NEO1: variants seen among roughly 807,000 people sequenced by gnomAD.
NEO1 encodes the protein neogenin.
NEO1 carries 63 observed loss-of-function variants against 159.7 expected under a neutral mutation model. The ratio of observed to expected loss-of-function variants is 0.39; its 90% confidence interval spans 0.32 to 0.49. The LOEUF (loss-of-function observed/expected upper bound fraction) is 0.49, where lower values mean the gene tolerates loss of function less well. Ranked by LOEUF, NEO1 falls within the 20% of genes least tolerant of loss-of-function variation. The pLI is 0.85. For synonymous variants in NEO1, 633 were observed against 662.0 expected (o/e 0.96, Z 0.67); for missense variants, 1,615 against 1,831.0 (o/e 0.88, Z 2.15).
intron 22 of NEO1, 86 bp downstream of exon 22, chr15:73,278,285 G>T (rs1244789755): frequency 8.4e-7 from 1 of 1,193,856 alleles, no homozygotes; most frequent in Non-Finnish European, 1.2e-6. Context: ...TATAGCTTGT[G>T]TGTGGTGGGT....
At chr15:73,267,873 C>T (rs1225880224) in intron 16 of NEO1, among the ~76,000 whole-genome samples, 5 of 152,170 alleles carry the variant, frequency 3.3e-5, no homozygotes, top group Admixed American at 6.5e-5. Flanking sequence ...AATTTATTTT[C>T]GGAAATGTTC....
intron 1 of NEO1, among the ~76,000 whole-genome samples, chr15:73,064,442 C>T (rs960269117): frequency 4.6e-5 from 7 of 152,102 alleles, no homozygotes; most frequent in Non-Finnish European, 8.8e-5. Flanking sequence ...GATATGACTT[C>T]TCTGTACTTT....
intron 21 of NEO1, among the ~76,000 whole-genome samples, chr15:73,275,454 A>T (rs1475636635): frequency 6.6e-6 from 1 of 152,146 alleles, no homozygotes; most frequent in African/African-American, 2.4e-5. Flanking sequence ...GTTCAAGACT[A>T]GCCTGGGCAA....
chr15:73,201,107 G>T (rs1325844352), intron 7 of NEO1, among the ~76,000 whole-genome samples: 3 of 151,644 alleles, frequency 2.0e-5, no homozygotes, highest in Non-Finnish European at 4.4e-5. Flanking sequence ...ACAGTCTGTT[G>T]ATCTTTATAA....
At position 73,094,610 on chromosome 15, in the gene NEO1, T is replaced by C. The variant is rs180904837; in HGVS notation, c.131-21930T>C. 4.3e-4 allele frequency among the ~76,000 whole-genome samples: 66 copies of C among 152,228 alleles called. 1 individual carries two copies. The highest frequency in any genetic ancestry group is 8.5e-4 in the Non-Finnish European group (58 of 68,042). On this transcript the variant is annotated intron_variant, in intron 1 of 28. Transcript: ENST00000261908. ...TCTACACAATTGATTGGTATACGTT[T>C]TAAGTTTCTTTTAAGTGATAATTAT...
At chr15:73,282,910 A>G in intron 22 of NEO1, 54 bp from the exon 23 acceptor site, 1 of 1,578,208 alleles carries the variant, frequency 6.3e-7, no homozygotes, top group Non-Finnish European at 8.6e-7. Context: ...GCTTGATAGT[A>G]TGCATGTTTT....
At chr15:73,160,354 T>C (rs1162476488) in intron 5 of NEO1, among the ~76,000 whole-genome samples, 1 of 152,212 alleles carries the variant, frequency 6.6e-6, no homozygotes, top group Non-Finnish European at 1.5e-5. Flanking sequence ...TGACACTACC[T>C]ACCTTTCTAT....
chr15:73,057,618 G>C (rs544115754), intron 1 of NEO1, among the ~76,000 whole-genome samples: 2 of 152,218 alleles, frequency 1.3e-5, no homozygotes, highest in African/African-American at 4.8e-5. Flanking sequence ...TTAAAATAGA[G>C]CTCAAATTTT....
At chr15:73,220,043 G>A (rs908165520) in intron 7 of NEO1, among the ~76,000 whole-genome samples, 145 of 152,090 alleles carry the variant, frequency 9.5e-4, no homozygotes, top group South Asian at 2.5e-3. Flanking sequence ...TTTTGGCATG[G>A]TTTTGCAGCA....
At chr15:73,122,916 T>TC in intron 3 of NEO1, 116 bp downstream of exon 3, 1 of 1,278,738 alleles carries the variant, frequency 7.8e-7, no homozygotes, top group Non-Finnish European at 1.1e-6. Flanking sequence ...ACACCTGTAA[T>TC]CCCAGCACTT....
At chr15:73,294,706 A>C (rs986204174) in intron 26 of NEO1, among the ~76,000 whole-genome samples, 3 of 151,854 alleles carry the variant, frequency 2.0e-5, no homozygotes, top group African/African-American at 7.3e-5. Context: ...CACCCAGCTG[A>C]TTTTTGTATT....
intron 7 of NEO1, among the ~76,000 whole-genome samples, chr15:73,186,797 T>G (rs1319010952): frequency 6.6e-6 from 1 of 151,990 alleles, no homozygotes; most frequent in Non-Finnish European, 1.5e-5. Flanking sequence ...GCAACAAAAT[T>G]TTCTGTAAAG....
intron 7 of NEO1, among the ~76,000 whole-genome samples, chr15:73,212,428 A>G (rs1348834039): frequency 1.3e-5 from 2 of 152,214 alleles, no homozygotes; most frequent in Non-Finnish European, 2.9e-5. Context: ...GATTAGGATT[A>G]CAATCCAAAA....
chr15:73,100,231 G>A (rs1234794464), intron 1 of NEO1, among the ~76,000 whole-genome samples: 1 of 151,980 alleles, frequency 6.6e-6, no homozygotes, highest in African/African-American at 2.4e-5. Context: ...ATAGTCTCCA[G>A]TCGTTCCAGG....
chr15:73,135,058 T>C (rs1596102797), intron 4 of NEO1, among the ~76,000 whole-genome samples: 1 of 152,220 alleles, frequency 6.6e-6, no homozygotes, highest in African/African-American at 2.4e-5. Context: ...TTTAATTAGG[T>C]ACTTGTCCCT....
intron 1 of NEO1, among the ~76,000 whole-genome samples, chr15:73,053,728 G>A (rs2067572666): frequency 6.6e-6 from 1 of 152,194 alleles, no homozygotes; most frequent in African/African-American, 2.4e-5. Flanking sequence ...GATACACTCA[G>A]CAGTTGAAAG....
chr15:73,084,999 G>A (rs2069274768), intron 1 of NEO1, among the ~76,000 whole-genome samples: 1 of 152,194 alleles, frequency 6.6e-6, no homozygotes, highest in Admixed American at 6.5e-5. Context: ...GCAACTGGAT[G>A]GATAGTGGTA....
intron 4 of NEO1, among the ~76,000 whole-genome samples, chr15:73,127,240 A>AG (rs1228002011): frequency 3.9e-5 from 6 of 152,036 alleles, no homozygotes; most frequent in Non-Finnish European, 8.8e-5. Context: ...CAAAAAAAAA[A>AG]AAAAGAAACT....
intron 24 of NEO1, 29 bp downstream of exon 24, chr15:73,288,580 A>C (rs1196460216): frequency 9.6e-6 from 15 of 1,568,098 alleles, no homozygotes; most frequent in East Asian, 4.5e-5. Flanking sequence ...GTTTTTTCTC[A>C]AATGTTAGGA....
Sources: allele counts gnomAD v4.1 joint callset (sites outside exome capture counted in the v4.1 genomes callset), GRCh38; gene constraint gnomAD v4.1.1; transcripts MANE v1.5; gene names NCBI Gene and HGNC (gene_info 2026-07-23, HGNC 2026-07-21).